SRGAP1: variants seen among roughly 807,000 people sequenced by gnomAD.
SRGAP1 encodes the protein SLIT-ROBO Rho GTPase activating protein 1, also known as SLIT-ROBO Rho GTPase-activating protein 1.
In SRGAP1, 43 loss-of-function variants were observed where a neutral mutation model predicts 121.9. The observed-to-expected ratio is 0.35, with a 90% confidence interval of 0.28 to 0.46. SRGAP1 has a LOEUF of 0.46. SRGAP1 is among the 20% of genes least tolerant of loss of function. SRGAP1 has a pLI of 1.00. For synonymous variants in SRGAP1, 447 were observed against 485.4 expected (o/e 0.92, Z 1.04); for missense variants, 1,102 against 1,350.9 (o/e 0.82, Z 2.89).
chr12:64,095,626 G>C (rs867543125), intron 14 of SRGAP1, among the ~76,000 whole-genome samples: 1 of 152,078 alleles, frequency 6.6e-6, no homozygotes. Context: ...TGACCCTAGG[G>C]GGTGCCTTAT....
chr12:64,114,617 C>T (rs553592697), intron 17 of SRGAP1, among the ~76,000 whole-genome samples: 239 of 152,284 alleles, frequency 1.6e-3, no homozygotes, highest in African/African-American at 5.6e-3. Flanking sequence ...TTCCAAAGTG[C>T]TGGGATTACA....
chr12:64,032,667 G>T, intron 4 of SRGAP1: 1 of 291,432 alleles, frequency 3.4e-6, no homozygotes, highest in East Asian at 5.2e-5. Context: ...ACAAACAAGT[G>T]AGATGAGCTT....
intron 1 of SRGAP1, among the ~76,000 whole-genome samples, chr12:63,848,974 AAGAC>A (rs1898990965): frequency 6.6e-6 from 1 of 152,350 alleles, no homozygotes; most frequent in Non-Finnish European, 1.5e-5. Flanking sequence ...ACAGAATTGT[AAGAC>A]AGAAGAATCA....
At chr12:64,089,476 G>C (rs564526086) in intron 11 of SRGAP1, among the ~76,000 whole-genome samples, 1 of 152,244 alleles carries the variant, frequency 6.6e-6, no homozygotes, top group East Asian at 1.9e-4. Context: ...TCTCCTGAAC[G>C]TTGGCCTCCC....
At chr12:63,948,673 T>C (rs968501835) in intron 1 of SRGAP1, among the ~76,000 whole-genome samples, 6 of 151,612 alleles carry the variant, frequency 4.0e-5, no homozygotes, top group Non-Finnish European at 8.8e-5. Context: ...TCCTTCCTGG[T>C]ATAGTGCCTT....
chr12:64,014,455 G>C (rs768657713), intron 3 of SRGAP1, among the ~76,000 whole-genome samples: 1 of 152,132 alleles, frequency 6.6e-6, no homozygotes, highest in Non-Finnish European at 1.5e-5. Flanking sequence ...ACACACTGGG[G>C]CCTACTGGAG....
intron 3 of SRGAP1, among the ~76,000 whole-genome samples, chr12:64,013,110 T>A (rs2034299181): frequency 6.6e-6 from 1 of 152,218 alleles, no homozygotes; most frequent in South Asian, 2.1e-4. Context: ...TTCATTAGCC[T>A]AGTAATGTCG....
At chr12:64,125,729 T>C (rs1039301194) in intron 18 of SRGAP1, among the ~76,000 whole-genome samples, 5 of 152,222 alleles carry the variant, frequency 3.3e-5, no homozygotes, top group Non-Finnish European at 7.3e-5. Flanking sequence ...AGTAAGAGGC[T>C]GTGGAAATGA....
intron 8 of SRGAP1, among the ~76,000 whole-genome samples, chr12:64,072,108 C>CTGTGTGTGTGTGTGTGTGTGTGTG (rs66959510): frequency 7.5e-5 from 6 of 80,366 alleles, no homozygotes; most frequent in Non-Finnish European, 9.5e-5. Flanking sequence ...CAATCTCTCT[C>CTGTGTGTGTGTGTGTGTGTGTGTG]TGTGTGTGTG....
In SRGAP1 at chr12:64,151,412, TTTG is replaced by T. The variant is rs772782310; in HGVS notation, c.*8743_*8745del. 2 of 152,136 alleles carry T rather than the reference TTTG, an allele frequency of 1.3e-5. No homozygotes were observed. The highest frequency in any genetic ancestry group is 2.4e-5 in the African/African-American group (1 of 41,428). 9.4% of individuals were successfully genotyped at this position (152,136 alleles called of 1,614,324 possible). A position where few individuals can be genotyped will look rare whatever the true frequency, so the allele number is the denominator to read the frequency against. The stretch of plus-strand genomic sequence containing the variant: ...TCACTGAGTGAGCCTGTTTGAAGGT[TTTG>T]TTTTTTTTTCAATTGAATGTTATGT... On this transcript the variant is annotated 3_prime_UTR_variant, in exon 22 of 22. Transcript: ENST00000355086.
Position 64,160,687 on chromosome 12 carries a change from C to T in SRGAP1, c.*18015C>T. ...GGGTCCTGGGGCCGATAACTTCAAG[C>T]TAAACATTCAATATCAGTATGGTAG... On this transcript the variant is annotated 3_prime_UTR_variant, in exon 22 of 22. Transcript: ENST00000355086. 1 of 152,246 alleles carries T rather than the reference C, an allele frequency of 6.6e-6. No individual in the cohort carries two copies. The highest frequency in any genetic ancestry group is 1.9e-4 in the East Asian group (1 of 5,174). 9.4% of individuals were successfully genotyped at this position (152,246 alleles called of 1,614,324 possible).
At chr12:63,967,761 C>T (rs2032830160) in intron 1 of SRGAP1, among the ~76,000 whole-genome samples, 1 of 152,200 alleles carries the variant, frequency 6.6e-6, no homozygotes, top group Non-Finnish European at 1.5e-5. Flanking sequence ...ATTGGAACTG[C>T]AGATTGTCCT....
intron 4 of SRGAP1, chr12:64,032,672 G>T: frequency 3.6e-6 from 1 of 278,848 alleles, no homozygotes. Context: ...CAAGTGAGAT[G>T]AGCTTTCAAA....
chr12:63,901,408 C>T (rs2029920996), intron 1 of SRGAP1, among the ~76,000 whole-genome samples: 1 of 152,196 alleles, frequency 6.6e-6, no homozygotes, highest in Admixed American at 6.5e-5. Flanking sequence ...ACATGCTGAG[C>T]TCACCCCTGT....
chr12:63,890,312 G>A (rs1406639398), intron 1 of SRGAP1, among the ~76,000 whole-genome samples: 1 of 152,162 alleles, frequency 6.6e-6, no homozygotes, highest in Non-Finnish European at 1.5e-5. Context: ...GAGAGTAAGC[G>A]GGTAGTGAGG....
intron 21 of SRGAP1, among the ~76,000 whole-genome samples, chr12:64,128,468 T>C (rs767798227): frequency 1.3e-5 from 2 of 152,092 alleles, no homozygotes; most frequent in South Asian, 4.2e-4. Flanking sequence ...AAACCTATCA[T>C]TGTGAATAGC....
chr12:64,055,033 T>C (rs1265201536), intron 6 of SRGAP1, among the ~76,000 whole-genome samples: 11 of 151,454 alleles, frequency 7.3e-5, no homozygotes, highest in Admixed American at 7.2e-4. Flanking sequence ...AAATAAAGGG[T>C]ATTCAATTAG....
chr12:64,036,853 A>G (rs2034915334), intron 4 of SRGAP1, among the ~76,000 whole-genome samples: 1 of 152,206 alleles, frequency 6.6e-6, no homozygotes, highest in African/African-American at 2.4e-5. Context: ...CACCTATTTT[A>G]CTCATACTGT....
chr12:63,854,385 A>G (rs1000498338), intron 1 of SRGAP1, among the ~76,000 whole-genome samples: 1 of 152,178 alleles, frequency 6.6e-6, no homozygotes, highest in African/African-American at 2.4e-5. Flanking sequence ...GTGTTTTGGC[A>G]TGTATAACAA....
Sources: allele counts gnomAD v4.1 joint callset (sites outside exome capture counted in the v4.1 genomes callset), GRCh38; gene constraint gnomAD v4.1.1; transcripts MANE v1.5; gene names NCBI Gene and HGNC (gene_info 2026-07-23, HGNC 2026-07-21).